Variants in RBFOX1 observed in about 807,000 individuals in gnomAD.
RBFOX1 encodes the protein RNA binding protein fox-1 homolog 1.
In RBFOX1, 8 loss-of-function variants were observed where a neutral mutation model predicts 57.7. The observed-to-expected ratio is 0.14, with a 90% CI of 0.08 to 0.25. The LOEUF is 0.25. Among genes scored for constraint, RBFOX1 ranks in the 10% least tolerant of loss-of-function variants. The pLI, the probability that RBFOX1 is intolerant of heterozygous loss-of-function variation, is 1.00. For synonymous variants in RBFOX1, 326 were observed against 222.4 expected (o/e 1.47, Z -4.15); for missense variants, 611 against 548.5 (o/e 1.11, Z -1.14).
intron 3 of RBFOX1, among the ~76,000 whole-genome samples, chr16:6,736,591 G>A (rs750919796): frequency 6.6e-6 from 1 of 152,126 alleles, no homozygotes; most frequent in Non-Finnish European, 1.5e-5. Flanking sequence ...CCACGATTTT[G>A]CAGTTGTGAA....
chr16:5,830,720 G>A (rs536076278), intron 3 of RBFOX1, among the ~76,000 whole-genome samples: 3 of 152,280 alleles, frequency 2.0e-5, no homozygotes, highest in African/African-American at 4.8e-5. Context: ...GAATAACACT[G>A]CCATCTTTGC....
chr16:6,968,319 G>A (rs902794482), intron 3 of RBFOX1, among the ~76,000 whole-genome samples: 4 of 152,188 alleles, frequency 2.6e-5, no homozygotes, highest in African/African-American at 7.2e-5. Context: ...TAGCAGCGAT[G>A]GAAACAATGC....
At chr16:7,098,393 C>G (rs1306914613) in intron 4 of RBFOX1, among the ~76,000 whole-genome samples, 2 of 151,976 alleles carry the variant, frequency 1.3e-5, no homozygotes, top group African/African-American at 2.4e-5. Context: ...TGGCCTCAAA[C>G]TCCTGACCTC....
chr16:6,831,114 A>T (rs1055683528), intron 3 of RBFOX1, among the ~76,000 whole-genome samples: 3 of 152,218 alleles, frequency 2.0e-5, no homozygotes, highest in African/African-American at 7.2e-5. Flanking sequence ...CTACTCCATT[A>T]TCACTAAGGT....
At chr16:6,596,772 C>T (rs148334241) in intron 2 of RBFOX1, among the ~76,000 whole-genome samples, 354 of 152,278 alleles carry the variant, frequency 2.3e-3, no homozygotes, top group African/African-American at 3.6e-3. Flanking sequence ...GATATACATG[C>T]ATGCACAGCC....
At chr16:7,249,854 A>C (rs979541100) in intron 4 of RBFOX1, among the ~76,000 whole-genome samples, 8 of 152,196 alleles carry the variant, frequency 5.3e-5, no homozygotes, top group African/African-American at 1.9e-4. Context: ...AGGTTATACA[A>C]ATGTTTAAGC....
intron 3 of RBFOX1, among the ~76,000 whole-genome samples, chr16:5,669,357 G>T (rs1461428975): frequency 6.6e-6 from 1 of 151,784 alleles, no homozygotes; most frequent in Non-Finnish European, 1.5e-5. Flanking sequence ...TGGGCTCTTT[G>T]GGTTCACCTG....
At chr16:6,561,372 C>A (rs1490313511) in intron 2 of RBFOX1, among the ~76,000 whole-genome samples, 1 of 152,186 alleles carries the variant, frequency 6.6e-6, no homozygotes, top group Admixed American at 6.5e-5. Context: ...TTCAGTAGAA[C>A]TGTTACAGTC....
At chr16:5,498,285 A>G (rs945156520) in intron 2 of RBFOX1, among the ~76,000 whole-genome samples, 1 of 152,054 alleles carries the variant, frequency 6.6e-6, no homozygotes, top group African/African-American at 2.4e-5. Flanking sequence ...TGGGATTACA[A>G]GCATGCACTA....
intron 1 of RBFOX1, among the ~76,000 whole-genome samples, chr16:5,303,041 A>C (rs1313849115): frequency 6.6e-6 from 1 of 152,070 alleles, no homozygotes; most frequent in Admixed American, 6.5e-5. Context: ...TTGGGTTAAT[A>C]CTTTTTTCCT....
intron 3 of RBFOX1, among the ~76,000 whole-genome samples, chr16:5,689,875 C>T (rs926179546): frequency 2.6e-5 from 4 of 151,708 alleles, no homozygotes; most frequent in Admixed American, 6.6e-5. Flanking sequence ...AGGGAATGAA[C>T]TGTTTGACAG....
intron 4 of RBFOX1, among the ~76,000 whole-genome samples, chr16:7,463,670 GC>G (rs1381676582): frequency 6.6e-6 from 1 of 152,164 alleles, no homozygotes; most frequent in African/African-American, 2.4e-5. Context: ...AGTCACCTTT[GC>G]CATGTAAGGT....
At chr16:7,483,501 G>C (rs1217349294) in intron 4 of RBFOX1, among the ~76,000 whole-genome samples, 1 of 152,160 alleles carries the variant, frequency 6.6e-6, no homozygotes, top group Non-Finnish European at 1.5e-5. Context: ...GTGTGTGGTG[G>C]ACATTGTATA....
chr16:6,517,085 AG>A (rs1373118939), intron 2 of RBFOX1, among the ~76,000 whole-genome samples: 1 of 152,140 alleles, frequency 6.6e-6, no homozygotes, highest in Non-Finnish European at 1.5e-5. Flanking sequence ...GGCATGTCCA[AG>A]GTTGTGACAC....
At chr16:7,467,641 C>T (rs1489760411) in intron 4 of RBFOX1, among the ~76,000 whole-genome samples, 4 of 152,056 alleles carry the variant, frequency 2.6e-5, no homozygotes, top group Non-Finnish European at 5.9e-5. Flanking sequence ...ATAAGAGTGA[C>T]CTTGCTAGGG....
At chr16:7,341,501 G>C (rs902596449) in intron 4 of RBFOX1, among the ~76,000 whole-genome samples, 5 of 152,142 alleles carry the variant, frequency 3.3e-5, no homozygotes, top group Admixed American at 3.3e-4. Flanking sequence ...TAGAGTCAGA[G>C]GTTAAGCACA....
chr16:5,871,093 C>T (rs927169218), intron 4 of RBFOX1, among the ~76,000 whole-genome samples: 3 of 152,164 alleles, frequency 2.0e-5, no homozygotes, highest in African/African-American at 7.2e-5. Flanking sequence ...CTGTTTGTGC[C>T]AATAAATTTT....
intron 4 of RBFOX1, among the ~76,000 whole-genome samples, chr16:5,985,155 T>A (rs2060261676): frequency 6.6e-6 from 1 of 150,840 alleles, no homozygotes; most frequent in Admixed American, 6.6e-5. Context: ...CCGGCTCATA[T>A]ATATATATTT....
At chr16:7,129,882 T>G (rs2069743522) in intron 4 of RBFOX1, among the ~76,000 whole-genome samples, 1 of 151,726 alleles carries the variant, frequency 6.6e-6, no homozygotes, top group South Asian at 2.1e-4. Context: ...GATGAAAAAA[T>G]AAGCAATGAA....
Sources: allele counts gnomAD v4.1 joint callset (sites outside exome capture counted in the v4.1 genomes callset), GRCh38; gene constraint gnomAD v4.1.1; transcripts MANE v1.5; gene names NCBI Gene and HGNC (gene_info 2026-07-23, HGNC 2026-07-21).